SV2A: variants seen among roughly 807,000 people sequenced by gnomAD.
The protein encoded by SV2A is synaptic vesicle glycoprotein 2A, also known as solute carrier family 22 member B1.
A neutral mutation model predicts 78.0 loss-of-function variants in SV2A; 25 were observed. That is an observed-to-expected ratio of 0.32 (90% CI 0.23 to 0.45). The LOEUF (loss-of-function observed/expected upper bound fraction) is 0.45, where lower values mean the gene tolerates loss of function less well. Ranked by LOEUF, SV2A falls within the 20% of genes least tolerant of loss-of-function variation. The pLI, the probability that SV2A is intolerant of heterozygous loss-of-function variation, is 1.00. For missense variants in SV2A, 752 were observed against 971.5 expected (o/e 0.77, Z 3.00); for synonymous variants, 355 against 384.7 (o/e 0.92, Z 0.90).
rs370517498 is a variant in SV2A, at chr1:149,906,080, A to G, written c.1886-41T>C. On this transcript the variant is annotated intron_variant, in intron 11 of 12. Transcript: ENST00000369146. ...GAGAGAGCAACATGAGCCTGGCCAC[A>G]GTGAAACCCACCCACAGCCCACCCT... 1.7e-5 allele frequency: 27 copies of G among 1,608,564 alleles called. No individual in the cohort carries two copies. In the African/African-American group the frequency reaches 2.8e-4, roughly 17 times the overall value.
intron 10 of SV2A, 107 bp downstream of exon 10, chr1:149,907,593 C>A (rs1174662576): frequency 1.4e-6 from 2 of 1,408,274 alleles, no homozygotes; most frequent in Non-Finnish European, 1.9e-6. Context: ...CCACAGGGGT[C>A]CAGGGATCTC....
rs2092416576 is a variant in SV2A, at chr1:149,904,019, C to G, written c.*995G>C. 6.5e-6 allele frequency: 1 copy of G among 152,714 alleles called. No individual in the cohort carries two copies. The highest frequency in any genetic ancestry group is 2.4e-5 in the African/African-American group (1 of 41,438). The allele number at this position is 152,714 out of a possible 1,614,324, so 9.5% of individuals were successfully genotyped here. A position where few individuals can be genotyped will look rare whatever the true frequency, so the allele number is the denominator to read the frequency against. On this transcript the variant is annotated 3_prime_UTR_variant, in exon 13 of 13. Transcript: ENST00000369146. ...TTTCTTTCCCTCCCCTGCTCCCCTC[C>G]CTGTGAGGGGACAGGTAGGGAGCAT...
intron 1 of SV2A, among the ~76,000 whole-genome samples, chr1:149,914,551 T>C (rs2092500665): frequency 6.6e-6 from 1 of 152,088 alleles, no homozygotes; most frequent in Non-Finnish European, 1.5e-5. Context: ...TTACTAGGGG[T>C]GGAGTTGAGG....
At position 149,904,672 on chromosome 1, in the gene SV2A, G is replaced by A; in HGVS notation, c.*342C>T. 4.3e-6 allele frequency: 1 copy of A among 234,176 alleles called. No homozygotes were observed. The highest frequency in any genetic ancestry group is 1.0e-4 in the East Asian group (1 of 9,868). The allele number at this position is 234,176 out of a possible 1,614,324, so 14.5% of individuals were successfully genotyped here. A position where few individuals can be genotyped will look rare whatever the true frequency, so the allele number is the denominator to read the frequency against. Reference sequence around the variant, plus strand: ...GGGCCTAGGCAGAGGGAATGATGGGGAAGGCAGGAAGCCTATTCTGGAACC... The same window carrying A: ...GGGCCTAGGCAGAGGGAATGATGGGAAAGGCAGGAAGCCTATTCTGGAACC... On this transcript the variant is annotated 3_prime_UTR_variant, in exon 13 of 13. Coordinates refer to ENST00000369146, the MANE Select transcript of SV2A (RefSeq NM_014849.5).
At chr1:149,908,607 C>T (rs1458802675) in intron 8 of SV2A, among the ~76,000 whole-genome samples, 3 of 151,950 alleles carry the variant, frequency 2.0e-5, no homozygotes, top group African/African-American at 4.8e-5. Flanking sequence ...ACCCTTCTCT[C>T]ATCACCCTGC....
intron 3 of SV2A, 143 bp from the exon 4 acceptor site, chr1:149,911,120 T>C (rs781991438): frequency 4.3e-5 from 47 of 1,095,246 alleles, no homozygotes; most frequent in Non-Finnish European, 5.3e-5. Context: ...CAAGCTCCCA[T>C]GTGGGCCAGC....
chr1:149,910,248 G>T lies in SV2A; in HGVS notation c.1089+322C>A, dbSNP rs1553763490. 6.6e-6 allele frequency among the ~76,000 whole-genome samples: 1 copy of T among 152,206 alleles called. No homozygotes were observed. Among genetic ancestry groups the T allele is most frequent in the African/African-American group, 2.4e-5 (1 of 41,452 alleles). ...TAGTCAAAGACCTAATCCTGCTGGG[G>T]TTAGGAGGGGAAGGTATAGGGGGTG... On this transcript the variant is annotated intron_variant, in intron 5 of 12. Transcript: ENST00000369146. This position sits in a 1 kb window ranked among gnomAD's most constrained non-coding sequence, Gnocchi z 4.2.
chr1:149,909,767 C>A (rs782634096), intron 6 of SV2A, 34 bp downstream of exon 6: 4 of 1,607,920 alleles, frequency 2.5e-6, no homozygotes, highest in Middle Eastern at 3.9e-4. Context: ...GGCTGCAGGG[C>A]GTGGAGGTCT....
intron 12 of SV2A, 63 bp downstream of exon 12, chr1:149,905,817 C>T: frequency 6.3e-7 from 1 of 1,590,532 alleles, no homozygotes; most frequent in Non-Finnish European, 8.6e-7. Context: ...CCCATTCAGC[C>T]CTCCTTCCTC....
intron 11 of SV2A, 69 bp from the exon 12 acceptor site, chr1:149,906,108 C>T: frequency 5.7e-6 from 9 of 1,565,896 alleles, no homozygotes; most frequent in Non-Finnish European, 6.9e-6. Flanking sequence ...CCCACCCTGT[C>T]CCATCAGCTG....
chr1:149,915,812 G>A (rs2092509072), intron 1 of SV2A, among the ~76,000 whole-genome samples: 1 of 152,086 alleles, frequency 6.6e-6, no homozygotes, highest in Admixed American at 6.6e-5. Context: ...GAGGAAGCAG[G>A]CCTAGATTCT....
chr1:149,909,448 C>G lies in SV2A; in HGVS notation c.1290+13G>C. 6.2e-7 allele frequency: 1 copy of G among 1,608,172 alleles called. No individual in the cohort carries two copies. The highest frequency in any genetic ancestry group is 1.7e-4 in the Middle Eastern group (1 of 6,052). Reference sequence around the variant, plus strand: ...CCCCACTCCCTTCTATCTACCACCCCGTCCACCATTACCTGCCCCCCTAGG... The same window carrying G: ...CCCCACTCCCTTCTATCTACCACCCGGTCCACCATTACCTGCCCCCCTAGG... On this transcript the variant is annotated intron_variant, in intron 7 of 12. Transcript: ENST00000369146.
chr1:149,917,458 AG>A (rs2092522257), intron 1 of SV2A, among the ~76,000 whole-genome samples: 1 of 152,140 alleles, frequency 6.6e-6, no homozygotes, highest in Non-Finnish European at 1.5e-5. Flanking sequence ...TAATCTCCGA[AG>A]GGGATAGTGG....
At chr1:149,907,183 A>G (rs2092443968) in intron 10 of SV2A, among the ~76,000 whole-genome samples, 1 of 152,168 alleles carries the variant, frequency 6.6e-6, no homozygotes, top group Admixed American at 6.5e-5. Context: ...TCTGAGAAAA[A>G]CATTTAAAAT....
At position 149,915,929 on chromosome 1, in the gene SV2A, G is replaced by A. The variant is rs587675224; in HGVS notation, c.-347-1742C>T. Reference sequence around the variant, plus strand: ...CACACACACGCACACACACACACACGCCCTGGTAGAAGACGGTAAGCAATG... The same window carrying A: ...CACACACACGCACACACACACACACACCCTGGTAGAAGACGGTAAGCAATG... On this transcript the variant is annotated intron_variant, in intron 1 of 12. Transcript: ENST00000369146. 5.9e-5 allele frequency among the ~76,000 whole-genome samples: 9 copies of A among 151,268 alleles called. No individual in the cohort carries two copies. In the East Asian group the frequency reaches 1.4e-3, roughly 23 times the overall value.
chr1:149,905,869 A>G lies in SV2A; in HGVS notation c.2045+11T>C. 1.9e-6 allele frequency: 3 copies of G among 1,613,410 alleles called. No homozygotes were observed. The highest frequency in any genetic ancestry group is 2.5e-6 in the Non-Finnish European group (3 of 1,179,776). ...GAATCCACTGCCCTGCCTCCAACAC[A>G]TTCCAACTACCTCTTGTCTGAGGGG... On this transcript the variant is annotated intron_variant, in intron 12 of 12. Coordinates refer to ENST00000369146, the MANE Select transcript of SV2A (RefSeq NM_014849.5).
chr1:149,915,858 C>A (rs1165806270), intron 1 of SV2A, among the ~76,000 whole-genome samples: 2 of 151,910 alleles, frequency 1.3e-5, no homozygotes, highest in Non-Finnish European at 2.9e-5. Context: ...ATCCTGCCTC[C>A]GGTGCTCCCA....
chr1:149,908,227 G>A, intron 8 of SV2A, 21 bp from the exon 9 acceptor site: 2 of 1,603,034 alleles, frequency 1.2e-6, no homozygotes, highest in African/African-American at 2.7e-5. Context: ...AAGGACAATG[G>A]AAACAGACAA....
Position 149,909,588 on chromosome 1 carries a change from G to C in SV2A, c.1180-17C>G, listed in dbSNP as rs782003697. 6.2e-7 allele frequency: 1 copy of C among 1,607,180 alleles called. No individual in the cohort carries two copies. The highest frequency in any genetic ancestry group is 1.3e-5 in the African/African-American group (1 of 74,888). ...GTGGGTTACCTGGGGTCAAGAGAAG[G>C]GGTGGGCAGTCACACACTCTGTGTT... is the stretch of plus-strand genomic sequence containing the variant. On this transcript the variant is annotated splice_polypyrimidine_tract_variant and intron_variant, in intron 6 of 12. Transcript: ENST00000369146.
Sources: allele counts gnomAD v4.1 joint callset (sites outside exome capture counted in the v4.1 genomes callset), GRCh38; gene constraint gnomAD v4.1.1; non-coding constraint Gnocchi (gnomAD v3.1); transcripts MANE v1.5; gene names NCBI Gene and HGNC (gene_info 2026-07-23, HGNC 2026-07-21).